The following TM2D3 variants were observed in gnomAD, a reference collection of about 807,000 sequenced individuals.
TM2D3 encodes TM2 domain containing 3.
In TM2D3, 33 loss-of-function variants were observed where a neutral mutation model predicts 27.3. The observed-to-expected ratio is 1.21, with a 90% confidence interval of 0.92 to 1.61. TM2D3 has a LOEUF of 1.61. Among genes scored for constraint, TM2D3 ranks in the 40% most tolerant of loss-of-function variants. The probability of loss-of-function intolerance (pLI) is 0.00; values close to 1 mark genes in which losing one functional copy is unlikely to be tolerated. For synonymous variants in TM2D3, 138 were observed against 122.2 expected, an observed-to-expected ratio of 1.13 and a Z score of -0.85; for missense variants, 364 against 320.8, an observed-to-expected ratio of 1.13 and a Z score of -1.03.
chr15:101,641,601 T>A (rs1896670503), downstream of TM2D3, among the ~76,000 whole-genome samples: 1 of 152,250 alleles, frequency 6.6e-6, no homozygotes, highest in Non-Finnish European at 1.5e-5. Context: ...AGTTTTTAAA[T>A]GTTTCAAAAG....
At chr15:101,642,756 T>A (rs1896701506) in intron 5 of TM2D3, 112 bp from the exon 6 acceptor site, 1 of 843,330 alleles carries the variant, frequency 1.2e-6, no homozygotes, top group African/African-American at 1.7e-5. Flanking sequence ...CCCCTGATCG[T>A]AGCCCTTAAC....
intron 2 of TM2D3, 170 bp downstream of exon 2, chr15:101,651,526 C>CT (rs761149019): frequency 1.6e-6 from 1 of 616,570 alleles, no homozygotes; most frequent in Non-Finnish European, 2.8e-6. Context: ...AATACGAAGA[C>CT]TATCTACTGA....
Position 101,642,222 on chromosome 15 carries a change from T to A in TM2D3, c.*257A>T. On this transcript the variant is annotated 3_prime_UTR_variant, in exon 6 of 6. Coordinates refer to ENST00000333202, the MANE Select transcript of TM2D3 (RefSeq NM_078474.3). Reference sequence around the variant, plus strand: ...AAAAGTCATAGGAATTAAATGGATTTTCAATCACTGTATAATTCATTCTCC... The same window carrying A: ...AAAAGTCATAGGAATTAAATGGATTATCAATCACTGTATAATTCATTCTCC... 8.7e-7 allele frequency: 1 copy of A among 1,146,312 alleles called. No individual in the cohort carries two copies. Among genetic ancestry groups the A allele is most frequent in the Non-Finnish European group, 1.1e-6 (1 of 934,220 alleles). 71.0% of individuals were successfully genotyped at this position (1,146,312 alleles called of 1,614,324 possible).
At chr15:101,647,680 G>A (rs1168763659) in intron 3 of TM2D3, among the ~76,000 whole-genome samples, 4 of 152,168 alleles carry the variant, frequency 2.6e-5, no homozygotes, top group Non-Finnish European at 4.4e-5. Context: ...ACCTATAGGT[G>A]TTCAGAGCTA....
chr15:101,651,816 G>T (rs748322605), intron 1 of TM2D3, 43 bp from the exon 2 acceptor site: 6 of 1,605,494 alleles, frequency 3.7e-6, no homozygotes, highest in Non-Finnish European at 5.1e-6. Flanking sequence ...CGTTATCCCG[G>T]GACAAGAAAA....
intron 4 of TM2D3, chr15:101,635,231 A>G (rs539271912): frequency 6.6e-6 from 1 of 152,206 alleles, no homozygotes; most frequent in South Asian, 2.1e-4. Flanking sequence ...TAAATTATAC[A>G]TAATAGAATT....
intron 3 of TM2D3, 43 bp from the exon 4 acceptor site, chr15:101,646,942 A>G: frequency 6.2e-7 from 1 of 1,609,326 alleles, no homozygotes; most frequent in Non-Finnish European, 8.5e-7. Context: ...ACAATGGTGT[A>G]GTCTGTTAAG....
At chr15:101,635,738 T>C (rs1896537958) in intron 4 of TM2D3, 1 of 152,064 alleles carries the variant, frequency 6.6e-6, no homozygotes, top group African/African-American at 2.4e-5. Context: ...CTCAGGAGGG[T>C]GCATGCCACA....
chr15:101,650,202 G>C, intron 2 of TM2D3, 41 bp from the exon 3 acceptor site: 1 of 1,575,718 alleles, frequency 6.3e-7, no homozygotes, highest in Non-Finnish European at 8.7e-7. Flanking sequence ...CTATAATACT[G>C]ATTCGAATAA....
At chr15:101,635,119 C>T (rs1337058000) in intron 4 of TM2D3, 2 of 152,162 alleles carry the variant, frequency 1.3e-5, no homozygotes, top group Admixed American at 1.3e-4. Flanking sequence ...GAGATCGTGC[C>T]TCTGCACTCC....
At chr15:101,651,942 T>A (rs926816896) in intron 1 of TM2D3, 169 bp from the exon 2 acceptor site, 1 of 686,422 alleles carries the variant, frequency 1.5e-6, no homozygotes, top group South Asian at 1.7e-5. Context: ...GTCAACAGAG[T>A]AGACATCAGT....
chr15:101,649,848 GTTT>G (rs1035477222), intron 3 of TM2D3, among the ~76,000 whole-genome samples, 153 bp downstream of exon 3: 1 of 152,186 alleles, frequency 6.6e-6, no homozygotes, highest in African/African-American at 2.4e-5. Flanking sequence ...GGTCTATTGG[GTTT>G]TTTAATTTAT....
chr15:101,638,495 A>T (rs1413330761), downstream of TM2D3, among the ~76,000 whole-genome samples: 1 of 151,802 alleles, frequency 6.6e-6, no homozygotes, highest in African/African-American at 2.4e-5. Flanking sequence ...CGGGGGTTTC[A>T]CCATGTTGGC....
At chr15:101,636,967 C>T (rs192092168), downstream of TM2D3, 54 of 405,242 alleles carry the variant, frequency 1.3e-4, no homozygotes, top group East Asian at 2.1e-3. Flanking sequence ...TATTCCGAAC[C>T]AAATATGAGT....
rs978182591 is a variant in TM2D3, at chr15:101,643,624, C to CAAA, written c.579-983_579-981dup. ...TAAAAAAAAAAAAAAAAAAAAAAAG[C>CAAA]AAAAAAAAAAAAAAACCATGTTGAG... On this transcript the variant is annotated intron_variant, in intron 5 of 5. Coordinates refer to ENST00000333202, the MANE Select transcript of TM2D3 (RefSeq NM_078474.3). Among the ~76,000 whole-genome samples the CAAA allele has an allele frequency of 4.4e-4, 42 of 96,262 alleles. 1 individual carries two copies. Among genetic ancestry groups the CAAA allele is most frequent in the East Asian group, 1.8e-3 (5 of 2,740 alleles). The allele number at this position is 96,262 out of a possible 152,430, so 63.2% of individuals were successfully genotyped here.
At chr15:101,640,471 G>A (rs563316982), downstream of TM2D3, among the ~76,000 whole-genome samples, 5 of 152,260 alleles carry the variant, frequency 3.3e-5, no homozygotes, top group African/African-American at 9.6e-5. Context: ...GCCGTTTATG[G>A]TATTGTTATA....
At position 101,642,595 on chromosome 15, in the gene TM2D3, G is replaced by A; in HGVS notation, c.628C>T (p.Arg210Trp). The A allele has an allele frequency of 1.2e-6, 2 of 1,613,078 alleles. No homozygotes were observed. The highest frequency in any genetic ancestry group is 1.7e-6 in the Non-Finnish European group (2 of 1,179,664). Residue 210 changes from arginine (R) to tryptophan (W), a missense_variant, in exon 6 of 6, where the codon CGG (arginine) becomes TGG (tryptophan). Physicochemically the swap from Arg to Trp is moderately radical, Grantham distance 101. Coordinates refer to ENST00000333202, the MANE Select transcript of TM2D3 (RefSeq NM_078474.3). ...CTGAAGAGCTTGCCGAGGCCTTCCC[G>A]CCACTGGCCCAGGTAGAAACGGTCT... Reference protein sequence around the residue: ...GADRFYLGQWREGLGKLFSFG... With the variant: ...GADRFYLGQWWEGLGKLFSFG...
At chr15:101,650,837 T>C (rs1351402041) in intron 2 of TM2D3, 1 of 152,194 alleles carries the variant, frequency 6.6e-6, no homozygotes, top group East Asian at 1.9e-4. Flanking sequence ...GGATCAAAAT[T>C]GCAAGTATTC....
chr15:101,651,358 T>C (rs1896962703), intron 2 of TM2D3: 1 of 269,212 alleles, frequency 3.7e-6, no homozygotes, highest in Admixed American at 5.0e-5. Context: ...TATTCCAACA[T>C]CAGGAACAGG....
Sources: allele counts gnomAD v4.1 joint callset (sites outside exome capture counted in the v4.1 genomes callset), GRCh38; gene constraint gnomAD v4.1.1; transcripts MANE v1.5; gene names NCBI Gene and HGNC (gene_info 2026-07-23, HGNC 2026-07-21).